Variants in ADAT2 observed in about 807,000 individuals in gnomAD.
ADAT2 encodes adenosine deaminase tRNA specific 2.
ADAT2 carries 26 observed loss-of-function variants against 25.9 expected under a neutral mutation model. The ratio of observed to expected loss-of-function variants is 1.00; its 90% CI spans 0.74 to 1.39. ADAT2 has a LOEUF of 1.39. ADAT2 is among the 40% of genes most tolerant of loss of function. The pLI, the probability that ADAT2 is intolerant of heterozygous loss-of-function variation, is 0.00. For missense variants in ADAT2, 220 were observed against 244.8 expected (o/e 0.90, Z 0.68); for synonymous variants, 76 against 86.8 (o/e 0.88, Z 0.69).
At position 143,433,803 on chromosome 6, in the gene ADAT2, T is replaced by C. The variant is rs763958252; in HGVS notation, c.352+28A>G. 1.6e-5 allele frequency: 26 copies of C among 1,610,440 alleles called. No homozygotes were observed. In the Admixed American group the frequency reaches 4.3e-4, roughly 27 times the overall value. ...TCTCTTGTTCACACGAATGGTACGA[T>C]ACATTAACTCATGAAGTCAAAGGAT... On this transcript the variant is annotated intron_variant, in intron 3 of 5. Transcript: ENST00000237283.
chr6:143,428,821 G>T lies in ADAT2; in HGVS notation c.460-137C>A. On this transcript the variant is annotated intron_variant, in intron 4 of 5. Transcript: ENST00000237283. The surrounding 1 kb of genome is among the most constrained non-coding windows in gnomAD (Gnocchi z 5.0). ...AAACTTTGGGGATATTAGTAACATG[G>T]GTAAGGAGGTACACTTCCAAAAGAT... The T allele has an allele frequency of 1.3e-6, 1 of 751,880 alleles. No individual in the cohort carries two copies. Among genetic ancestry groups the T allele is most frequent in the South Asian group, 1.9e-5 (1 of 52,116 alleles). The allele number at this position is 751,880 out of a possible 1,614,324, so 46.6% of individuals were successfully genotyped here. A position where few individuals can be genotyped will look rare whatever the true frequency, so the allele number is the denominator to read the frequency against.
In ADAT2 at chr6:143,425,226, TAA is replaced by T. The variant is rs1268417311; in HGVS notation, c.*3235_*3236del. The T allele has an allele frequency of 1.3e-5, 2 of 151,624 alleles. No homozygotes were observed. The highest frequency in any genetic ancestry group is 4.8e-5 in the African/African-American group (2 of 41,250). The allele number at this position is 151,624 out of a possible 1,614,324, so 9.4% of individuals were successfully genotyped here. A position where few individuals can be genotyped will look rare whatever the true frequency, so the allele number is the denominator to read the frequency against. On this transcript the variant is annotated 3_prime_UTR_variant, in exon 6 of 6. Transcript: ENST00000237283. ...GAAAATGTTCTAGACTAAAAGAAGC[TAA>T]AGGCAGACCGGTGCAGTGGCTCACG...
intron 2 of ADAT2, among the ~76,000 whole-genome samples, chr6:143,435,524 C>T (rs1032832940): frequency 3.3e-5 from 5 of 152,098 alleles, no homozygotes; most frequent in African/African-American, 4.8e-5. Flanking sequence ...GAAGAAACCC[C>T]GGTCACTGGA....
intron 1 of ADAT2, among the ~76,000 whole-genome samples, chr6:143,445,821 T>A (rs1779583742): frequency 6.6e-6 from 1 of 152,116 alleles, no homozygotes; most frequent in African/African-American, 2.4e-5. Flanking sequence ...TCATACCACA[T>A]TTGTTGAAAT....
intron 4 of ADAT2, among the ~76,000 whole-genome samples, chr6:143,430,375 C>T (rs1158540054): frequency 2.0e-5 from 3 of 152,154 alleles, no homozygotes; most frequent in Non-Finnish European, 4.4e-5. Context: ...TGGTCTGGGG[C>T]AGGGACTGAG....
rs578109056 is a variant in ADAT2, at chr6:143,432,244, G to A, written c.459+261C>T. ...AGGCATACCTAACGGTGTTGGTGAA[G>A]AGTGTTCGGAGTCAGCTGCGAAGGG... On this transcript the variant is annotated intron_variant, in intron 4 of 5. Transcript: ENST00000237283. This position sits in a 1 kb window ranked among gnomAD's most constrained non-coding sequence, Gnocchi z 4.4. Among the ~76,000 whole-genome samples the A allele has an allele frequency of 1.3e-5, 1 of 78,906 alleles. No homozygotes were observed. The highest frequency in any genetic ancestry group is 2.8e-4 in the South Asian group (1 of 3,518). The allele number at this position is 78,906 out of a possible 152,430, so 51.8% of individuals were successfully genotyped here. A position where few individuals can be genotyped will look rare whatever the true frequency, so the allele number is the denominator to read the frequency against.
Position 143,438,708 on chromosome 6 carries a change from T to A in ADAT2, c.97-14A>T. 6.2e-7 allele frequency: 1 copy of A among 1,604,116 alleles called. No individual in the cohort carries two copies. Among genetic ancestry groups the A allele is most frequent in the Non-Finnish European group, 8.5e-7 (1 of 1,171,248 alleles). On this transcript the variant is annotated splice_polypyrimidine_tract_variant and intron_variant, in intron 1 of 5. Transcript: ENST00000237283. ...GGCTTCTTTGGCCTGAAACACAAAG[T>A]GGAAAATGTAAGACGTAATACTCCA...
chr6:143,423,888 G>C lies in ADAT2; in HGVS notation c.*4575C>G, dbSNP rs538153529. ...GGCTGTATAGGCCCATCAAGAATGG[G>C]GGCCAAGGTGGAGGCCTGGTTAAAA... On this transcript the variant is annotated 3_prime_UTR_variant, in exon 6 of 6. Transcript: ENST00000237283. The C allele has an allele frequency of 6.6e-6, 1 of 152,162 alleles. No homozygotes were observed. The highest frequency in any genetic ancestry group is 2.4e-5 in the African/African-American group (1 of 41,420). The allele number at this position is 152,162 out of a possible 1,614,324, so 9.4% of individuals were successfully genotyped here. A position where few individuals can be genotyped will look rare whatever the true frequency, so the allele number is the denominator to read the frequency against.
Position 143,428,660 on chromosome 6 carries a change from C to T in ADAT2, c.484G>A (p.Glu162Lys). The change falls in exon 5 of 6, where the codon GAA (glutamate) becomes AAA (lysine). Residue 162 changes from glutamate to lysine, a missense_variant. Physicochemically the swap from Glu to Lys is moderately conservative, Grantham distance 56. Transcript: ENST00000237283. This position sits in a 1 kb window ranked among gnomAD's most constrained non-coding sequence, Gnocchi z 5.0. ...FQCIPGYRAEEAVEMLKTFYK... is the reference protein window; with the variant it reads ...FQCIPGYRAEKAVEMLKTFYK... ...AAGGTCTTTAACATTTCCACTGCTT[C>T]CTCAGCCCGATATCCAGGGATACAC... 6.2e-7 allele frequency: 1 copy of T among 1,614,046 alleles called. No homozygotes were observed. Among genetic ancestry groups the T allele is most frequent in the Non-Finnish European group, 8.5e-7 (1 of 1,179,988 alleles).
intron 1 of ADAT2, among the ~76,000 whole-genome samples, chr6:143,443,084 C>T (rs1395060785): frequency 6.6e-6 from 1 of 152,140 alleles, no homozygotes; most frequent in African/African-American, 2.4e-5. Context: ...AGTATTAATT[C>T]ATTTCATTTA....
At chr6:143,438,016 C>T (rs1430262329) in intron 2 of ADAT2, among the ~76,000 whole-genome samples, 1 of 152,140 alleles carries the variant, frequency 6.6e-6, no homozygotes, top group Non-Finnish European at 1.5e-5. Flanking sequence ...CTACATGTAG[C>T]TACAGAGGCA....
chr6:143,429,400 T>A (rs1242113151), intron 4 of ADAT2, among the ~76,000 whole-genome samples: 4 of 152,136 alleles, frequency 2.6e-5, no homozygotes, highest in African/African-American at 9.7e-5. Context: ...AGCATCTAAC[T>A]GGGGAAAAGA....
At chr6:143,431,695 T>C (rs1779121324) in intron 4 of ADAT2, among the ~76,000 whole-genome samples, 1 of 152,236 alleles carries the variant, frequency 6.6e-6, no homozygotes, top group Non-Finnish European at 1.5e-5. Context: ...TCATAGGTCC[T>C]TAAAGTATTC....
rs1459211995 is a variant in ADAT2 at position 143,426,881 on chromosome 6, G to T, written c.*1582C>A. On this transcript the variant is annotated 3_prime_UTR_variant, in exon 6 of 6. Coordinates refer to ENST00000237283, the MANE Select transcript of ADAT2 (RefSeq NM_182503.3). The surrounding 1 kb of genome is among the most constrained non-coding windows in gnomAD (Gnocchi z 4.1). ...TCCTACAAATAATCCCCAAGAAAAT[G>T]ATATGAACACAATAAATGCAATGAA... 1 of 152,084 alleles carries T rather than the reference G, an allele frequency of 6.6e-6. No individual in the cohort carries two copies. Among genetic ancestry groups the T allele is most frequent in the Non-Finnish European group, 1.5e-5 (1 of 68,022 alleles). 9.4% of individuals were successfully genotyped at this position (152,084 alleles called of 1,614,324 possible). A position where few individuals can be genotyped will look rare whatever the true frequency, so the allele number is the denominator to read the frequency against.
chr6:143,429,260 A>G lies in ADAT2; in HGVS notation c.460-576T>C, dbSNP rs552845022. Among the ~76,000 whole-genome samples the G allele has an allele frequency of 2.6e-5, 4 of 152,346 alleles. No homozygotes were observed. The East Asian group carries it at 5.8e-4, about 22-fold the overall frequency. ...TAAAAGCTTTGTTAAAGAAAAAAAA[A>G]GACTAGGTGACAGAGATGTAAGCGG... On this transcript the variant is annotated intron_variant, in intron 4 of 5. Coordinates refer to ENST00000237283, the MANE Select transcript of ADAT2 (RefSeq NM_182503.3).
chr6:143,443,676 C>T (rs1327212542), intron 1 of ADAT2, among the ~76,000 whole-genome samples: 3 of 151,728 alleles, frequency 2.0e-5, no homozygotes, highest in Non-Finnish European at 4.4e-5. Context: ...ACTAAAAATA[C>T]AAAAATTAGC....
intron 4 of ADAT2, among the ~76,000 whole-genome samples, chr6:143,429,380 T>C (rs773771258): frequency 6.6e-6 from 1 of 152,230 alleles, no homozygotes; most frequent in Non-Finnish European, 1.5e-5. Flanking sequence ...ATACAGCTTG[T>C]TCTATCTTTA....
At position 143,436,340 on chromosome 6, in the gene ADAT2, T is replaced by C. The variant is rs963743088; in HGVS notation, c.201+2250A>G. ...GCCATTTTCAGGGGCTGGATGTCCA[T>C]GAGGGAGGTAGAGGAGAAAATGCTT... On this transcript the variant is annotated intron_variant, in intron 2 of 5. Transcript: ENST00000237283. This position sits in a 1 kb window ranked among gnomAD's most constrained non-coding sequence, Gnocchi z 4.1. The C allele has an allele frequency of 1.2e-5, 3 of 250,464 alleles. No individual in the cohort carries two copies. The highest frequency in any genetic ancestry group is 5.5e-5 in the South Asian group (1 of 18,070). The allele number at this position is 250,464 out of a possible 1,614,324, so 15.5% of individuals were successfully genotyped here. A position where few individuals can be genotyped will look rare whatever the true frequency, so the allele number is the denominator to read the frequency against.
intron 2 of ADAT2, among the ~76,000 whole-genome samples, chr6:143,435,524 C>G (rs1032832940): frequency 6.6e-6 from 1 of 152,098 alleles, no homozygotes. Flanking sequence ...GAAGAAACCC[C>G]GGTCACTGGA....
Sources: allele counts gnomAD v4.1 joint callset (sites outside exome capture counted in the v4.1 genomes callset), GRCh38; gene constraint gnomAD v4.1.1; non-coding constraint Gnocchi (gnomAD v3.1); transcripts MANE v1.5; gene names NCBI Gene and HGNC (gene_info 2026-07-23, HGNC 2026-07-21).